FAM184A: variants seen among roughly 807,000 people sequenced by gnomAD.
FAM184A encodes the protein protein FAM184A.
FAM184A carries 99 observed loss-of-function variants against 143.8 expected under a neutral mutation model. That is an observed-to-expected ratio of 0.69 (90% CI 0.58 to 0.81). The LOEUF (loss-of-function observed/expected upper bound fraction) is 0.81. Among genes scored for constraint, FAM184A ranks in the 40% least tolerant of loss-of-function variants. The pLI is 0.00. For missense variants in FAM184A, 1,217 were observed against 1,310.5 expected (o/e 0.93, Z 1.10); for synonymous variants, 427 against 446.4 (o/e 0.96, Z 0.55).
intron 9 of FAM184A, among the ~76,000 whole-genome samples, chr6:118,987,602 T>C (rs1044976905): frequency 1.3e-5 from 2 of 152,202 alleles, no homozygotes; most frequent in Non-Finnish European, 2.9e-5. Flanking sequence ...CATCTGTTGA[T>C]AATTATAACA....
intron 8 of FAM184A, 124 bp downstream of exon 8, chr6:119,003,377 A>T: frequency 2.1e-6 from 2 of 967,618 alleles, no homozygotes; most frequent in Non-Finnish European, 2.9e-6. Flanking sequence ...TCTGTCTCTA[A>T]TCACAGGAAA....
chr6:119,032,878 G>T (rs1785944871), intron 1 of FAM184A, among the ~76,000 whole-genome samples: 2 of 152,184 alleles, frequency 1.3e-5, no homozygotes, highest in South Asian at 4.1e-4. Flanking sequence ...TCACCAAAAG[G>T]TTACTTGAGC....
At chr6:119,135,099 A>C (rs954187904) in intron 1 of FAM184A, among the ~76,000 whole-genome samples, 1 of 152,252 alleles carries the variant, frequency 6.6e-6, no homozygotes, top group South Asian at 2.1e-4. Flanking sequence ...TAAATAATAC[A>C]TAAATGGATA....
intron 1 of FAM184A, among the ~76,000 whole-genome samples, chr6:119,031,908 G>A (rs1014115477): frequency 9.2e-5 from 14 of 152,052 alleles, no homozygotes; most frequent in East Asian, 3.9e-4. Context: ...AGTATACAAC[G>A]TTACATACAA....
intron 1 of FAM184A, among the ~76,000 whole-genome samples, chr6:119,105,821 A>C (rs1196408195): frequency 3.3e-5 from 5 of 152,224 alleles, no homozygotes; most frequent in Admixed American, 6.5e-5. Flanking sequence ...CGCATTGCAG[A>C]AATTTATTAT....
chr6:118,986,202 A>G lies in FAM184A; in HGVS notation c.2089-5852T>C, dbSNP rs13204588. ...CAGCTACTTGGGAGGCTGAGGCAGG[A>G]GAATGGTGTGAACCCGGGAGGCAGA... On this transcript the variant is annotated intron_variant, in intron 9 of 17. Coordinates refer to ENST00000338891, the MANE Select transcript of FAM184A (RefSeq NM_024581.6). 2.0e-5 allele frequency among the ~76,000 whole-genome samples: 3 copies of G among 152,076 alleles called. 1 individual carries two copies. The South Asian group carries it at 6.2e-4, about 32-fold the overall frequency.
chr6:119,148,730 C>T (rs1048203571), intron 1 of FAM184A, among the ~76,000 whole-genome samples: 1 of 151,756 alleles, frequency 6.6e-6, no homozygotes. Flanking sequence ...CATGATGGCA[C>T]TATAAATCTA....
intron 7 of FAM184A, chr6:119,006,025 C>T: frequency 1.4e-6 from 1 of 720,344 alleles, no homozygotes; most frequent in Non-Finnish European, 2.6e-6. Flanking sequence ...TTTGGAAATA[C>T]AGTCAGTACA....
chr6:119,120,346 C>T (rs1398748300), intron 1 of FAM184A, among the ~76,000 whole-genome samples: 1 of 152,168 alleles, frequency 6.6e-6, no homozygotes, highest in African/African-American at 2.4e-5. Flanking sequence ...ATATTCATTC[C>T]TCTTTATGGC....
In FAM184A at chr6:119,091,580, T is replaced by A. The variant is rs575334505; in HGVS notation, c.-202+57498A>T. On this transcript the variant is annotated intron_variant, in intron 1 of 16. Transcript: ENST00000352896. ...CTATGGGTCCTTTAGTGCAAACTGA[T>A]GTTATACAGGTAACAACGTTAGTAA... Among the ~76,000 whole-genome samples the A allele has an allele frequency of 5.3e-5, 8 of 152,340 alleles. No homozygotes were observed. In the East Asian group the frequency reaches 1.5e-3, roughly 29 times the overall value.
At chr6:119,057,952 C>T (rs1182630310) in intron 1 of FAM184A, 2 of 143,624 alleles carry the variant, frequency 1.4e-5, no homozygotes, top group South Asian at 2.4e-4. Context: ...AAAACTCCCC[C>T]GCTCCTAAAT....
chr6:119,066,290 G>T (rs941083978), intron 1 of FAM184A, among the ~76,000 whole-genome samples: 1 of 152,160 alleles, frequency 6.6e-6, no homozygotes, highest in African/African-American at 2.4e-5. Flanking sequence ...CTCTTGGGGA[G>T]AACTTGTTTC....
intron 1 of FAM184A, among the ~76,000 whole-genome samples, chr6:119,105,027 T>A (rs1002499457): frequency 6.6e-6 from 1 of 152,126 alleles, no homozygotes; most frequent in African/African-American, 2.4e-5. Context: ...CTCAAAACTG[T>A]TGAGGCCATC....
chr6:119,027,438 G>C (rs1252886775), intron 1 of FAM184A, among the ~76,000 whole-genome samples: 1 of 152,102 alleles, frequency 6.6e-6, no homozygotes, highest in Non-Finnish European at 1.5e-5. Context: ...TCCTGACATA[G>C]AGCTCCTAAG....
chr6:119,013,082 G>T (rs1441894746), intron 5 of FAM184A, among the ~76,000 whole-genome samples: 1 of 148,264 alleles, frequency 6.7e-6, no homozygotes, highest in Non-Finnish European at 1.5e-5. Context: ...GGAAGAAAGA[G>T]CAAGTGATAC....
At chr6:119,123,973 A>G (rs1789292990) in intron 1 of FAM184A, among the ~76,000 whole-genome samples, 1 of 152,228 alleles carries the variant, frequency 6.6e-6, no homozygotes. Context: ...TTTACAAAGC[A>G]CACTCCAAGA....
In FAM184A at chr6:119,078,112, GC is replaced by G; in HGVS notation, c.159+28del. ...AGTCCGGCGCGGCCCGCACGGGGTCGCCACCTGCCCCGTCGCTGCCCCCCTT... is the reference window on the plus strand; with the variant it reads ...AGTCCGGCGCGGCCCGCACGGGGTCGCACCTGCCCCGTCGCTGCCCCCCTT... On this transcript the variant is annotated intron_variant, in intron 1 of 17. Transcript: ENST00000338891. The surrounding 1 kb of genome is among the most constrained non-coding windows in gnomAD (Gnocchi z 5.5). 6.4e-7 allele frequency: 1 copy of G among 1,558,648 alleles called. No individual in the cohort carries two copies.
intron 1 of FAM184A, among the ~76,000 whole-genome samples, chr6:119,125,401 G>A (rs910626639): frequency 3.3e-5 from 5 of 152,034 alleles, no homozygotes; most frequent in Admixed American, 6.6e-5. Flanking sequence ...TCAGCCTCCC[G>A]AGTAGCTGGG....
chr6:118,983,412 AT>A (rs1178331805), intron 9 of FAM184A, among the ~76,000 whole-genome samples: 2 of 152,180 alleles, frequency 1.3e-5, no homozygotes, highest in African/African-American at 4.8e-5. Flanking sequence ...GGTTTAGGCA[AT>A]TTTGGTAAGT....
Sources: allele counts gnomAD v4.1 joint callset (sites outside exome capture counted in the v4.1 genomes callset), GRCh38; gene constraint gnomAD v4.1.1; non-coding constraint Gnocchi (gnomAD v3.1); transcripts MANE v1.5; gene names NCBI Gene and HGNC (gene_info 2026-07-23, HGNC 2026-07-21).